Variants in CSMD1 observed in about 807,000 individuals in gnomAD.
CSMD1 encodes CUB and sushi domain-containing protein 1.
In CSMD1, 213 loss-of-function variants were observed where a neutral mutation model predicts 417.5. The observed-to-expected ratio is 0.51, with a 90% confidence interval of 0.46 to 0.57. The LOEUF is 0.57. CSMD1 is among the 20% of genes least tolerant of loss of function. The pLI, the probability that CSMD1 is intolerant of heterozygous loss-of-function variation, is 0.00. For synonymous variants in CSMD1, 2,862 were observed against 1,736.8 expected (o/e 1.65, Z -16.11); for missense variants, 6,923 against 4,529.7 (o/e 1.53, Z -15.17).
At chr8:4,232,287 C>T (rs1012563243) in intron 3 of CSMD1, among the ~76,000 whole-genome samples, 6 of 152,196 alleles carry the variant, frequency 3.9e-5, no homozygotes, top group Non-Finnish European at 8.8e-5. Flanking sequence ...CAACCTCCGC[C>T]TCCCAGGTTC....
intron 5 of CSMD1, among the ~76,000 whole-genome samples, chr8:3,888,307 C>A (rs1806702217): frequency 6.6e-6 from 1 of 152,170 alleles, no homozygotes. Context: ...ACACTTTGAT[C>A]TTCAAGGCAA....
intron 3 of CSMD1, among the ~76,000 whole-genome samples, chr8:4,326,181 C>T (rs966592033): frequency 6.6e-6 from 1 of 152,138 alleles, no homozygotes; most frequent in Non-Finnish European, 1.5e-5. Flanking sequence ...TTCTAACAAG[C>T]TCCCTGGGGA....
chr8:3,881,148 G>A (rs774636972), intron 5 of CSMD1, among the ~76,000 whole-genome samples: 3 of 152,074 alleles, frequency 2.0e-5, no homozygotes, highest in Non-Finnish European at 4.4e-5. Flanking sequence ...TATGTGCCAT[G>A]TTTGTACATT....
intron 3 of CSMD1, among the ~76,000 whole-genome samples, chr8:4,033,130 G>GAAAAAA (rs58668077): frequency 2.5e-5 from 2 of 80,646 alleles, no homozygotes; most frequent in Admixed American, 1.7e-4. Flanking sequence ...TTTCCAATAT[G>GAAAAAA]AAAAAAAAAA....
At chr8:4,165,865 C>G (rs1364655862) in intron 3 of CSMD1, among the ~76,000 whole-genome samples, 1 of 152,194 alleles carries the variant, frequency 6.6e-6, no homozygotes, top group Admixed American at 6.5e-5. Flanking sequence ...AAAGTAAAAG[C>G]AAATTACTTT....
intron 7 of CSMD1, among the ~76,000 whole-genome samples, chr8:3,665,659 A>C (rs1347511950): frequency 2.0e-5 from 3 of 152,208 alleles, no homozygotes; most frequent in Non-Finnish European, 4.4e-5. Context: ...AATTCCACTT[A>C]ATGGGACAAA....
chr8:4,434,890 G>C (rs1209860111), intron 2 of CSMD1, among the ~76,000 whole-genome samples: 1 of 152,130 alleles, frequency 6.6e-6, no homozygotes, highest in Non-Finnish European at 1.5e-5. Context: ...TCAAGAAAAT[G>C]CTGTATTTTG....
At chr8:3,719,797 G>C (rs985644800) in intron 6 of CSMD1, among the ~76,000 whole-genome samples, 2 of 152,132 alleles carry the variant, frequency 1.3e-5, no homozygotes, top group Non-Finnish European at 2.9e-5. Flanking sequence ...CGTGTGTCCA[G>C]CTTTTGGATC....
At chr8:3,771,098 A>C (rs112070065) in intron 5 of CSMD1, among the ~76,000 whole-genome samples, 2,329 of 152,094 alleles carry the variant, frequency 0.015, 67 homozygotes, top group African/African-American at 0.052. Flanking sequence ...TTGTATTCTC[A>C]GGATCTTGAA....
intron 10 of CSMD1, among the ~76,000 whole-genome samples, chr8:3,530,789 A>G (rs1797947495): frequency 6.6e-6 from 1 of 151,834 alleles, no homozygotes; most frequent in Non-Finnish European, 1.5e-5. Context: ...TTGGCCTCCC[A>G]AAGTGCTACT....
chr8:4,530,545 C>T (rs1297310655), intron 2 of CSMD1, among the ~76,000 whole-genome samples: 1 of 150,908 alleles, frequency 6.6e-6, no homozygotes, highest in Non-Finnish European at 1.5e-5. Flanking sequence ...CTCCCCGTGC[C>T]CATATGTTCT....
chr8:4,612,231 C>G (rs1449743379), intron 2 of CSMD1, among the ~76,000 whole-genome samples: 1 of 152,158 alleles, frequency 6.6e-6, no homozygotes. Context: ...TTGTTTTCAA[C>G]ACTTCCGTTT....
chr8:3,241,309 A>G (rs149571476), intron 26 of CSMD1, among the ~76,000 whole-genome samples: 106,644 of 149,256 alleles, frequency 0.71, 40,060 homozygotes, highest in Non-Finnish European at 0.83. Flanking sequence ...AATACCCACA[A>G]CAGTTATGGA....
chr8:4,756,328 C>T (rs928618957), intron 1 of CSMD1, among the ~76,000 whole-genome samples: 3 of 151,994 alleles, frequency 2.0e-5, no homozygotes, highest in African/African-American at 7.3e-5. Flanking sequence ...CCAGAAACAC[C>T]ATAACTCATC....
At chr8:4,937,977 T>A (rs1308023074) in intron 1 of CSMD1, among the ~76,000 whole-genome samples, 1 of 152,220 alleles carries the variant, frequency 6.6e-6, no homozygotes, top group East Asian at 1.9e-4. Flanking sequence ...AACAGTAGTT[T>A]TATTGGCCTT....
chr8:4,074,040 G>A (rs368161986), intron 3 of CSMD1, among the ~76,000 whole-genome samples: 4 of 151,950 alleles, frequency 2.6e-5, no homozygotes, highest in African/African-American at 7.2e-5. Context: ...TCTGCTTTTA[G>A]ACATTTAGTT....
intron 3 of CSMD1, among the ~76,000 whole-genome samples, chr8:4,205,011 T>C (rs1381927302): frequency 1.3e-5 from 2 of 152,152 alleles, no homozygotes; most frequent in Non-Finnish European, 2.9e-5. Flanking sequence ...CCAATTTTCT[T>C]TCTCATGTAT....
intron 4 of CSMD1, among the ~76,000 whole-genome samples, chr8:4,014,942 G>T (rs973636265): frequency 1.9e-4 from 29 of 152,192 alleles, no homozygotes; most frequent in African/African-American, 7.0e-4. Context: ...GATTGTATGG[G>T]ATGAGATAAC....
At chr8:3,396,073 C>T (rs1246042939) in intron 17 of CSMD1, 121 bp downstream of exon 17, 4 of 803,374 alleles carry the variant, frequency 5.0e-6, no homozygotes, top group South Asian at 3.6e-5. Flanking sequence ...TATGGTTTTG[C>T]TAGAGTCAAG....
Sources: gnomAD v4.1 joint callset for allele counts (sites outside exome capture counted in the v4.1 genomes callset) on GRCh38, gnomAD v4.1.1 for gene constraint, MANE v1.5 for transcripts, NCBI Gene and HGNC (gene_info 2026-07-23, HGNC 2026-07-21) for gene names.